ACTR3C: variants seen among roughly 807,000 people sequenced by gnomAD.
ACTR3C encodes actin related protein 3C.
A neutral mutation model predicts 26.3 loss-of-function variants in ACTR3C; 18 were observed. The observed-to-expected ratio is 0.68, with a 90% confidence interval of 0.47 to 1.01. The LOEUF (loss-of-function observed/expected upper bound fraction) is 1.01, where lower values mean the gene tolerates loss of function less well. Among genes scored for constraint, ACTR3C ranks in the 50% least tolerant of loss-of-function variants. The probability of loss-of-function intolerance (pLI) is 0.00; values close to 1 mark genes in which losing one functional copy is unlikely to be tolerated. For missense variants in ACTR3C, 184 were observed against 250.7 expected, an observed-to-expected ratio of 0.73 and a Z score of 1.80; for synonymous variants, 55 against 94.5, an observed-to-expected ratio of 0.58 and a Z score of 2.42.
At chr7:150,085,983 CT>C in the ACTR3C span, among the ~76,000 whole-genome samples, 1,050 of 143,942 alleles carry the variant, frequency 7.3e-3, 9 homozygotes, top group African/African-American at 0.023. Flanking sequence ...TTTCTTTCTT[CT>C]TTTTTTTTTT....
the ACTR3C span, among the ~76,000 whole-genome samples, chr7:149,905,143 G>A: frequency 1.3e-5 from 2 of 151,364 alleles, no homozygotes; most frequent in East Asian, 3.9e-4. Flanking sequence ...AAGCTATTCT[G>A]AGAAAAAAAA....
chr7:149,900,612 A>T, the ACTR3C span, among the ~76,000 whole-genome samples: 1 of 152,208 alleles, frequency 6.6e-6, no homozygotes. Flanking sequence ...AAGATCAAAA[A>T]TATGGATCAT....
chr7:149,957,278 G>A, the ACTR3C span, among the ~76,000 whole-genome samples: 10 of 152,154 alleles, frequency 6.6e-5, no homozygotes, highest in South Asian at 1.5e-3. Flanking sequence ...GCAGACACTC[G>A]GCCACCTTCT....
the ACTR3C span, among the ~76,000 whole-genome samples, chr7:149,990,081 G>A: frequency 6.6e-6 from 1 of 151,960 alleles, no homozygotes; most frequent in Non-Finnish European, 1.5e-5. Flanking sequence ...CTCCCCACAC[G>A]GGTCTCAATT....
chr7:150,077,065 T>C, the ACTR3C span, among the ~76,000 whole-genome samples: 3 of 152,094 alleles, frequency 2.0e-5, no homozygotes, highest in African/African-American at 7.2e-5. Context: ...CTTGGGAGGC[T>C]GAGGCAGGAG....
chr7:150,082,947 C>CTTTTTTTTTTTTT, the ACTR3C span, among the ~76,000 whole-genome samples: 43 of 108,492 alleles, frequency 4.0e-4, no homozygotes, highest in Non-Finnish European at 4.5e-4. Flanking sequence ...TTTTTTTTTT[C>CTTTTTTTTTTTTT]TTTTTTTTTT....
chr7:150,201,622 AT>A, the ACTR3C span, among the ~76,000 whole-genome samples: 4 of 151,572 alleles, frequency 2.6e-5, no homozygotes, highest in Non-Finnish European at 5.9e-5. Context: ...ACCAGGTGTT[AT>A]GGTAGGCACC....
At chr7:150,148,030 C>T in the ACTR3C span, among the ~76,000 whole-genome samples, 68,687 of 139,574 alleles carry the variant, frequency 0.49, 16,788 homozygotes, top group Middle Eastern at 0.58. Context: ...ATGGGGAAAA[C>T]AGCTAATGGG....
At chr7:150,160,116 A>C in the ACTR3C span, among the ~76,000 whole-genome samples, 19 of 152,128 alleles carry the variant, frequency 1.2e-4, no homozygotes, top group Non-Finnish European at 2.5e-4. Flanking sequence ...ATATTAATGC[A>C]TTCTAATCTC....
the ACTR3C span, among the ~76,000 whole-genome samples, chr7:150,039,538 G>T: frequency 1.1e-4 from 10 of 89,928 alleles, no homozygotes; most frequent in South Asian, 3.6e-4. Flanking sequence ...TGCGATGGGG[G>T]TCCCCAGAGC....
chr7:150,140,044 G>C, the ACTR3C span, among the ~76,000 whole-genome samples: 1 of 147,208 alleles, frequency 6.8e-6, no homozygotes, highest in Non-Finnish European at 1.5e-5. Flanking sequence ...ATACACACTC[G>C]CACACACATG....
intron 4 of ACTR3C, among the ~76,000 whole-genome samples, chr7:150,286,749 T>G (rs1210888061): frequency 2.0e-5 from 3 of 151,450 alleles, no homozygotes; most frequent in Non-Finnish European, 2.9e-5. Context: ...CAGGTAAGTC[T>G]GCTTTCTCTG....
the ACTR3C span, among the ~76,000 whole-genome samples, chr7:149,908,016 C>G: frequency 1.3e-5 from 2 of 151,596 alleles, no homozygotes; most frequent in Non-Finnish European, 2.9e-5. Flanking sequence ...GGAGATGAAA[C>G]TTTTAGAGAG....
downstream of ACTR3C, chr7:150,245,707 T>G (rs1832427144): frequency 6.6e-6 from 1 of 152,228 alleles, no homozygotes; most frequent in South Asian, 2.1e-4. Flanking sequence ...AGCTTAATAA[T>G]GCCACTTTTT....
At chr7:150,103,694 T>C in the ACTR3C span, among the ~76,000 whole-genome samples, 2 of 151,936 alleles carry the variant, frequency 1.3e-5, no homozygotes, top group African/African-American at 4.8e-5. Flanking sequence ...AGAGACAATA[T>C]TACCTTCCAA....
chr7:150,073,720 T>C, the ACTR3C span: 9 of 150,738 alleles, frequency 6.0e-5, no homozygotes, highest in African/African-American at 2.2e-4. Context: ...TTCATTTCCA[T>C]TCATGTGGAC....
chr7:149,885,049 C>G, the ACTR3C span, among the ~76,000 whole-genome samples: 1 of 152,094 alleles, frequency 6.6e-6, no homozygotes, highest in African/African-American at 2.4e-5. Flanking sequence ...GGGCACTGTT[C>G]TTTGCATCCT....
the ACTR3C span, among the ~76,000 whole-genome samples, chr7:150,098,503 G>T: frequency 1.4e-4 from 21 of 148,900 alleles, no homozygotes; most frequent in Admixed American, 3.3e-4. Flanking sequence ...TAAATGTGAT[G>T]GTTCACTCAA....
At chr7:150,257,008 G>T (rs1174317251) in intron 6 of ACTR3C, among the ~76,000 whole-genome samples, 1 of 152,142 alleles carries the variant, frequency 6.6e-6, no homozygotes, top group Non-Finnish European at 1.5e-5. Context: ...TAACAAAAAT[G>T]ATATGATTGT....
Sources: allele counts gnomAD v4.1 joint callset (sites outside exome capture counted in the v4.1 genomes callset), GRCh38; gene constraint gnomAD v4.1.1; transcripts MANE v1.5; gene names NCBI Gene and HGNC (gene_info 2026-07-23, HGNC 2026-07-21).